LRRCC1: variants seen among roughly 807,000 people sequenced by gnomAD.
LRRCC1 encodes the protein leucine rich repeat and coiled-coil centrosomal protein 1.
LRRCC1 carries 115 observed loss-of-function variants against 126.0 expected under a neutral mutation model. That is an observed-to-expected ratio of 0.91 (90% confidence interval 0.78 to 1.07). The LOEUF is 1.07. Among genes scored for constraint, LRRCC1 ranks in the 50% least tolerant of loss-of-function variants. The probability of loss-of-function intolerance (pLI) is 0.00; values close to 1 mark genes in which losing one functional copy is unlikely to be tolerated. For synonymous variants in LRRCC1, 400 were observed against 393.4 expected, an observed-to-expected ratio of 1.02 and a Z score of -0.20; for missense variants, 1,172 against 1,175.7, an observed-to-expected ratio of 1.00 and a Z score of 0.05.
chr8:85,145,619 ACATTTCATT>A lies in LRRCC1; in HGVS notation c.*109_*117del. On this transcript the variant is annotated 3_prime_UTR_variant, in exon 19 of 19. Transcript: ENST00000360375. ...ATGACTTTGAAATGTCTCTTTCTAT[ACATTTCATT>A]ATGAATATATTTTTAAAGACTTTTG... 1.2e-6 allele frequency: 1 copy of A among 831,016 alleles called. No homozygotes were observed. The allele number at this position is 831,016 out of a possible 1,614,324, so 51.5% of individuals were successfully genotyped here. A position where few individuals can be genotyped will look rare whatever the true frequency, so the allele number is the denominator to read the frequency against.
At chr8:85,130,094 T>C (rs762831928) in intron 11 of LRRCC1, 36 bp downstream of exon 11, 36 of 1,466,062 alleles carry the variant, frequency 2.5e-5, no homozygotes, top group Non-Finnish European at 3.1e-5. Context: ...TATTGGCATT[T>C]AAAAAAAGAA....
In LRRCC1 at chr8:85,137,610, A is replaced by G. The variant is rs1810963714; in HGVS notation, c.2476A>G (p.Ile826Val). 4.1e-6 allele frequency: 6 copies of G among 1,457,928 alleles called. No individual in the cohort carries two copies. The highest frequency in any genetic ancestry group is 5.4e-6 in the Non-Finnish European group (6 of 1,106,704). The allele number at this position is 1,457,928 out of a possible 1,614,324, so 90.3% of individuals were successfully genotyped here. ...CKIIDDQTETIRKLKDCLQEK... is the reference protein window; with the variant it reads ...CKIIDDQTETVRKLKDCLQEK... ...AATCATAGACGACCAAACTGAAACT[A>G]TTAGAAAATTAAAAGATGTAAGTTT... Residue 826 changes from isoleucine to valine, a missense_variant, in exon 15 of 19, where the codon ATT (isoleucine) becomes GTT (valine). Physicochemically the swap from Ile to Val is conservative, Grantham distance 29. Coordinates refer to ENST00000360375, the MANE Select transcript of LRRCC1 (RefSeq NM_033402.5).
intron 12 of LRRCC1, among the ~76,000 whole-genome samples, chr8:85,134,480 C>T (rs944739330): frequency 2.0e-5 from 3 of 152,036 alleles, no homozygotes; most frequent in Admixed American, 1.3e-4. Context: ...CCACCACACC[C>T]GGCTAATTTT....
intron 7 of LRRCC1, 83 bp downstream of exon 7, chr8:85,123,689 T>C: frequency 5.8e-6 from 6 of 1,042,760 alleles, no homozygotes; most frequent in Non-Finnish European, 8.2e-6. Context: ...CTTGGTGATA[T>C]TTGTTACTTT....
At chr8:85,123,976 G>A (rs1261429567) in intron 7 of LRRCC1, among the ~76,000 whole-genome samples, 1 of 152,080 alleles carries the variant, frequency 6.6e-6, no homozygotes, top group Non-Finnish European at 1.5e-5. Flanking sequence ...TTCATTTACA[G>A]TGGGAAATAA....
chr8:85,108,416 CAG>C (rs923819051), intron 1 of LRRCC1, among the ~76,000 whole-genome samples: 2 of 152,204 alleles, frequency 1.3e-5, no homozygotes, highest in Non-Finnish European at 2.9e-5. Flanking sequence ...GAATGAGACT[CAG>C]AATCTATTGA....
intron 18 of LRRCC1, among the ~76,000 whole-genome samples, chr8:85,141,775 A>G (rs1377641360): frequency 6.6e-6 from 1 of 152,184 alleles, no homozygotes; most frequent in Non-Finnish European, 1.5e-5. Context: ...TCTGGATAAA[A>G]ATTTCATATC....
chr8:85,134,752 T>G (rs1027921875), intron 12 of LRRCC1, 95 bp from the exon 13 acceptor site: 22 of 751,088 alleles, frequency 2.9e-5, no homozygotes, highest in Non-Finnish European at 2.9e-5. Flanking sequence ...TCTTTAAATC[T>G]TATTCTTTTG....
rs1306244075 is a variant in LRRCC1, at chr8:85,135,009, C to T, written c.2131C>T (p.Gln711Ter). The change falls in exon 13 of 19, where the codon CAA becomes TAA. Residue 711 changes from glutamine (Q) to a stop codon, truncating the protein, a stop_gained. Transcript: ENST00000360375. LOFTEE classifies it high-confidence loss of function. ...ACTGGCAGAAGTTTCTAAATTGAAA[C>T]AAGAAACAGCAGCAAATTTACAGGT... is the stretch of plus-strand genomic sequence containing the variant. ...TKLAEVSKLK[Q>*]ETAANLQNQI... 1 of 1,539,986 alleles carries T rather than the reference C, an allele frequency of 6.5e-7. No individual in the cohort carries two copies. The highest frequency in any genetic ancestry group is 8.7e-7 in the Non-Finnish European group (1 of 1,153,894).
chr8:85,115,199 C>G lies in LRRCC1; in HGVS notation c.644C>G (p.Ser215Ter). 1 of 1,612,664 alleles carries G rather than the reference C, an allele frequency of 6.2e-7. No homozygotes were observed. ...EPVNLTEINS[S>*]QLQCLEGLLD... ...GTAAATTTGACAGAAATAAATTCAT[C>G]ACAGCTGCAGTGCCTAGAAGGTCTT... The change falls in exon 5 of 19, where the codon TCA (serine) becomes TGA (stop). Residue 215 changes from serine (S) to a stop codon, truncating the protein, a stop_gained. Coordinates refer to ENST00000360375, the MANE Select transcript of LRRCC1 (RefSeq NM_033402.5). LOFTEE classifies it high-confidence loss of function.
intron 9 of LRRCC1, among the ~76,000 whole-genome samples, chr8:85,128,228 T>C (rs771300055): frequency 6.6e-6 from 1 of 152,206 alleles, no homozygotes; most frequent in Non-Finnish European, 1.5e-5. Flanking sequence ...TTCTGTATTC[T>C]AGGTATTTAG....
chr8:85,129,391 T>C lies in LRRCC1; in HGVS notation c.1626+12T>C, dbSNP rs757174700. ...AGCAGGCAGCACAGGTATTTCTCTA[T>C]TTTAATATATGAGTAGCACAGATTA... On this transcript the variant is annotated intron_variant, in intron 10 of 18. Transcript: ENST00000360375. The C allele has an allele frequency of 6.9e-6, 11 of 1,587,394 alleles. No individual in the cohort carries two copies. The South Asian group carries it at 1.2e-4, about 17-fold the overall frequency.
In LRRCC1 at chr8:85,107,353, G is replaced by C. The variant is rs1049570706; in HGVS notation, c.58G>C (p.Asp20His). ...AEAEVENEDG[D>H]SSCGDVCFMD... ...GGCGGAAGTGGAAAACGAAGACGGC[G>C]ACAGCAGCTGCGGGGATGTATGCTT... The change falls in exon 1 of 19, where the codon GAC (aspartate) becomes CAC (histidine). Residue 20 changes from aspartate (D) to histidine (H), a missense_variant. Physicochemically the swap from Asp to His is moderately conservative, Grantham distance 81. Transcript: ENST00000360375. 2 of 1,613,876 alleles carry C rather than the reference G, an allele frequency of 1.2e-6. No individual in the cohort carries two copies. Among genetic ancestry groups the C allele is most frequent in the Non-Finnish European group, 1.7e-6 (2 of 1,179,826 alleles).
intron 8 of LRRCC1, among the ~76,000 whole-genome samples, chr8:85,125,670 C>CAA (rs71273921): frequency 9.6e-5 from 5 of 51,916 alleles, no homozygotes; most frequent in Admixed American, 2.3e-4. Flanking sequence ...GAGACTCCGT[C>CAA]AAAAAAAAAA....
chr8:85,109,885 C>A, intron 2 of LRRCC1, 85 bp downstream of exon 2: 2 of 704,376 alleles, frequency 2.8e-6, no homozygotes, highest in Non-Finnish European at 4.6e-6. Context: ...GAATAAATAT[C>A]AGAAACTCTT....
chr8:85,137,804 T>A (rs1245100312), intron 15 of LRRCC1, among the ~76,000 whole-genome samples, 177 bp downstream of exon 15: 2 of 152,188 alleles, frequency 1.3e-5, no homozygotes, highest in Non-Finnish European at 2.9e-5. Context: ...CTACATGATA[T>A]TTATTAATTT....
chr8:85,133,322 G>A (rs183069303), intron 12 of LRRCC1, among the ~76,000 whole-genome samples: 5 of 152,088 alleles, frequency 3.3e-5, no homozygotes, highest in Non-Finnish European at 5.9e-5. Flanking sequence ...TTTCCATTAC[G>A]TCACTTCTTT....
At position 85,137,543 on chromosome 8, in the gene LRRCC1, G is replaced by A; in HGVS notation, c.2409G>A (p.Lys803=). 1 of 1,564,578 alleles carries A rather than the reference G, an allele frequency of 6.4e-7. No homozygotes were observed. Among genetic ancestry groups the A allele is most frequent in the Non-Finnish European group, 8.6e-7 (1 of 1,160,364 alleles). ...CTAGAGAGAATGAATGTCTGCGAAA[G>A]ACAAATGAAAGTGATAGTGATGCAT... ...SLSRENECLR[K]TNESDSDALR... The change falls in exon 15 of 19, where the codon AAG becomes AAA. Residue 803 remains lysine, a synonymous_variant. Coordinates refer to ENST00000360375, the MANE Select transcript of LRRCC1 (RefSeq NM_033402.5).
rs1563932873 is a variant in LRRCC1, at chr8:85,115,591, AT to A, written c.930+12del. ...TCTACAACTTCTAAATGAAGTAACT[AT>A]TTTTCCTACTTCTCTATAGACATGT... On this transcript the variant is annotated splice_region_variant and intron_variant, in intron 6 of 18. Transcript: ENST00000360375. 1.3e-6 allele frequency: 2 copies of A among 1,540,894 alleles called. No homozygotes were observed. The highest frequency in any genetic ancestry group is 1.7e-5 in the Admixed American group (1 of 57,876).
Sources: allele counts gnomAD v4.1 joint callset (sites outside exome capture counted in the v4.1 genomes callset), GRCh38; gene constraint gnomAD v4.1.1; transcripts MANE v1.5; gene names NCBI Gene and HGNC (gene_info 2026-07-23, HGNC 2026-07-21).